The following ZPBP variants were observed in gnomAD, a reference collection of about 807,000 sequenced individuals.
The protein encoded by ZPBP is zona pellucida-binding protein 1.
Under a neutral mutation model 44.8 loss-of-function variants are expected in ZPBP, and 26 were observed. The ratio of observed to expected loss-of-function variants is 0.58; its 90% CI spans 0.43 to 0.81. The LOEUF (loss-of-function observed/expected upper bound fraction) is 0.81. Among genes scored for constraint, ZPBP ranks in the 30% least tolerant of loss-of-function variants. The pLI, the probability that ZPBP is intolerant of heterozygous loss-of-function variation, is 0.00. For synonymous variants in ZPBP, 174 were observed against 153.2 expected (o/e 1.14, Z -1.00); for missense variants, 409 against 434.0 (o/e 0.94, Z 0.51).
intron 3 of ZPBP, among the ~76,000 whole-genome samples, chr7:50,059,041 A>G (rs75713159): frequency 2.6e-5 from 4 of 152,242 alleles, no homozygotes; most frequent in African/African-American, 7.2e-5. Context: ...AAGTACTTGG[A>G]AAAGCTATAA....
At chr7:50,024,118 C>T (rs1482520989) in intron 5 of ZPBP, among the ~76,000 whole-genome samples, 1 of 151,956 alleles carries the variant, frequency 6.6e-6, no homozygotes, top group Admixed American at 6.6e-5. Flanking sequence ...GATATCATCT[C>T]ATGCCTGCAG....
At chr7:50,000,330 C>T (rs1029299827) in intron 6 of ZPBP, among the ~76,000 whole-genome samples, 2 of 152,036 alleles carry the variant, frequency 1.3e-5, no homozygotes, top group Admixed American at 1.3e-4. Flanking sequence ...ACATGTATGT[C>T]CCTTTCCCAG....
chr7:49,879,184 A>G (rs985351383), intron 2 of ZPBP, among the ~76,000 whole-genome samples: 13 of 152,080 alleles, frequency 8.5e-5, no homozygotes, highest in African/African-American at 3.1e-4. Flanking sequence ...GATTCTCTAT[A>G]GTTTTCAGTT....
chr7:50,058,242 T>C, intron 3 of ZPBP, 101 bp from the exon 4 acceptor site: 1 of 1,267,192 alleles, frequency 7.9e-7, no homozygotes, highest in Non-Finnish European at 1.1e-6. Flanking sequence ...ACCAACACAG[T>C]CAATGAAAGG....
At chr7:49,990,279 C>T (rs1014301412) in intron 6 of ZPBP, among the ~76,000 whole-genome samples, 7 of 152,148 alleles carry the variant, frequency 4.6e-5, no homozygotes, top group Middle Eastern at 3.2e-3. Flanking sequence ...GGGGATAGGG[C>T]GTATGTGGGT....
In ZPBP at chr7:50,056,982, G is replaced by A. The variant is rs141790249; in HGVS notation, c.487+1007C>T. Among the ~76,000 whole-genome samples the A allele has an allele frequency of 2.0e-3, 310 of 152,080 alleles. 5 individuals carry two copies. The highest frequency in any genetic ancestry group is 3.2e-4 in the Non-Finnish European group (22 of 67,964). On this transcript the variant is annotated intron_variant, in intron 4 of 7. Coordinates refer to ENST00000046087, the MANE Select transcript of ZPBP (RefSeq NM_007009.3). ...GGGCAGATCATGAGGTCAGGAAATC[G>A]AGACCATCCTGGCTAACACGGTGAA...
chr7:50,024,280 A>G (rs1048353850), intron 5 of ZPBP, among the ~76,000 whole-genome samples: 5 of 152,026 alleles, frequency 3.3e-5, no homozygotes, highest in Non-Finnish European at 5.9e-5. Context: ...TAGAACTACC[A>G]TTTGACCAAG....
chr7:50,051,574 G>C (rs1800699301), intron 4 of ZPBP, among the ~76,000 whole-genome samples: 1 of 152,238 alleles, frequency 6.6e-6, no homozygotes, highest in Non-Finnish European at 1.5e-5. Context: ...GCCCATCAGT[G>C]ATAGACTGGA....
chr7:49,852,556 T>C (rs1318001862), intron 2 of ZPBP, among the ~76,000 whole-genome samples: 1 of 152,140 alleles, frequency 6.6e-6, no homozygotes, highest in Non-Finnish European at 1.5e-5. Flanking sequence ...TACCTGGGGA[T>C]AATGCTATTT....
At chr7:49,978,396 T>A (rs965190214) in intron 7 of ZPBP, among the ~76,000 whole-genome samples, 10 of 151,980 alleles carry the variant, frequency 6.6e-5, no homozygotes, top group Admixed American at 1.3e-4. Context: ...TATAAATTAA[T>A]TTAAAAGTAC....
Position 50,001,304 on chromosome 7 carries a change from C to CCTATGACATA in ZPBP, c.783+16935_783+16936insTATGTCATAG, listed in dbSNP as rs1798085310. On this transcript the variant is annotated intron_variant, in intron 6 of 7. Coordinates refer to ENST00000046087, the MANE Select transcript of ZPBP (RefSeq NM_007009.3). ...AAAGAACCTCACCTTATGAGTTGTA[C>CCTATGACATA]GGTATTTGCTATGACAGGAACCTAA... 5.9e-5 allele frequency among the ~76,000 whole-genome samples: 9 copies of CCTATGACATA among 152,236 alleles called. No individual in the cohort carries two copies. In the South Asian group the frequency reaches 1.9e-3, roughly 32 times the overall value.
chr7:49,983,681 G>T (rs1167210226), intron 6 of ZPBP, among the ~76,000 whole-genome samples, 162 bp from the exon 7 acceptor site: 1 of 152,030 alleles, frequency 6.6e-6, no homozygotes, highest in Admixed American at 6.6e-5. Flanking sequence ...AAACTGAAAA[G>T]ATGTCATCTA....
chr7:50,092,902 G>T, intron 1 of ZPBP, 166 bp downstream of exon 1: 1 of 1,067,306 alleles, frequency 9.4e-7, no homozygotes. Flanking sequence ...CAAATGCAGA[G>T]TGACTTTGTA....
intron 6 of ZPBP, among the ~76,000 whole-genome samples, chr7:50,016,855 C>T (rs765900357): frequency 7.2e-5 from 11 of 152,014 alleles, no homozygotes; most frequent in Non-Finnish European, 1.2e-4. Context: ...GCCTCAAATC[C>T]TAAATCTTAT....
chr7:50,082,544 G>T (rs1802420618), intron 2 of ZPBP, among the ~76,000 whole-genome samples: 1 of 151,682 alleles, frequency 6.6e-6, no homozygotes, highest in South Asian at 2.1e-4. Context: ...TTTAGGAAAG[G>T]TTGCAACAAC....
chr7:50,042,139 GAACA>G (rs771057271), intron 4 of ZPBP, among the ~76,000 whole-genome samples: 4 of 151,964 alleles, frequency 2.6e-5, no homozygotes, highest in Non-Finnish European at 5.9e-5. Context: ...GAATGAAAAG[GAACA>G]AACAAAGCCT....
chr7:50,009,048 TCA>T (rs1798443116), intron 6 of ZPBP, among the ~76,000 whole-genome samples: 1 of 151,834 alleles, frequency 6.6e-6, no homozygotes, highest in East Asian at 1.9e-4. Context: ...AGCCTGGCCA[TCA>T]TGGTGAAACC....
chr7:49,913,981 A>T (rs572831387), intron 1 of ZPBP: 3 of 152,338 alleles, frequency 2.0e-5, no homozygotes, highest in East Asian at 1.9e-4. Flanking sequence ...CATAGATTTC[A>T]TGAAAATACT....
At chr7:50,001,214 A>C (rs1798081408) in intron 6 of ZPBP, among the ~76,000 whole-genome samples, 1 of 152,214 alleles carries the variant, frequency 6.6e-6, no homozygotes, top group South Asian at 2.1e-4. Flanking sequence ...TATTGTGCAG[A>C]AATGAAGAAC....
Sources: gnomAD v4.1 joint callset for allele counts (sites outside exome capture counted in the v4.1 genomes callset) on GRCh38, gnomAD v4.1.1 for gene constraint, MANE v1.5 for transcripts, NCBI Gene and HGNC (gene_info 2026-07-23, HGNC 2026-07-21) for gene names.